Variants in SLC14A2 observed in about 807,000 individuals in gnomAD.
SLC14A2 encodes the protein solute carrier family 14 member 2, also known as urea transporter 2.
Under a neutral mutation model 104.6 loss-of-function variants are expected in SLC14A2, and 91 were observed. The ratio of observed to expected loss-of-function variants is 0.87; its 90% CI spans 0.73 to 1.04. The LOEUF is 1.04. Ranked by LOEUF, SLC14A2 falls within the 50% of genes least tolerant of loss-of-function variation. The pLI is 0.00. For synonymous variants in SLC14A2, 476 were observed against 466.4 expected, an observed-to-expected ratio of 1.02 and a Z score of -0.27; for missense variants, 1,189 against 1,156.0, an observed-to-expected ratio of 1.03 and a Z score of -0.41.
intron 1 of SLC14A2, among the ~76,000 whole-genome samples, chr18:45,283,259 T>C (rs544378878): frequency 6.8e-6 from 1 of 147,844 alleles, no homozygotes; most frequent in Admixed American, 6.8e-5. Context: ...AAGTGGAAGC[T>C]ATTAAAAACT....
At chr18:45,353,072 T>A (rs905700012) in intron 1 of SLC14A2, among the ~76,000 whole-genome samples, 2 of 152,232 alleles carry the variant, frequency 1.3e-5, no homozygotes, top group African/African-American at 4.8e-5. Flanking sequence ...GTGGTTGAAG[T>A]GTGGCTGCTG....
intron 2 of SLC14A2, among the ~76,000 whole-genome samples, chr18:45,489,383 C>A (rs1365927849): frequency 6.6e-6 from 1 of 152,022 alleles, no homozygotes; most frequent in Non-Finnish European, 1.5e-5. Context: ...TGGTGGTGTG[C>A]TCCTGTGGTC....
At chr18:45,290,772 T>C (rs1446286723) in intron 1 of SLC14A2, among the ~76,000 whole-genome samples, 2 of 139,824 alleles carry the variant, frequency 1.4e-5, no homozygotes, top group African/African-American at 5.4e-5. Context: ...TTTCATCTGT[T>C]TATTTTTAGT....
intron 2 of SLC14A2, among the ~76,000 whole-genome samples, chr18:45,491,465 A>T (rs1016970980): frequency 6.6e-6 from 1 of 152,232 alleles, no homozygotes; most frequent in Non-Finnish European, 1.5e-5. Flanking sequence ...GCCTTTTTGG[A>T]AGAAGGAGTA....
intron 2 of SLC14A2, among the ~76,000 whole-genome samples, chr18:45,506,590 T>C (rs1369180002): frequency 1.3e-5 from 2 of 152,136 alleles, no homozygotes; most frequent in African/African-American, 4.8e-5. Flanking sequence ...ACAAAGGGCA[T>C]GTGAAGACAG....
At position 45,667,918 on chromosome 18, in the gene SLC14A2, C is replaced by A; in HGVS notation, c.1803C>A (p.Ile601=). The change falls in exon 14 of 20, where the codon ATC becomes ATA. Residue 601 remains isoleucine, a synonymous_variant. Transcript: ENST00000255226. ...VMFVNNPLSG[I]LIILGLFIQN... The stretch of plus-strand genomic sequence containing the variant: ...TTGTGAACAACCCCCTCAGCGGCAT[C>A]CTCATCATCCTCGGCCTCTTCATCC... 2 of 1,614,122 alleles carry A rather than the reference C, an allele frequency of 1.2e-6. No homozygotes were observed. Among genetic ancestry groups the A allele is most frequent in the Non-Finnish European group, 1.7e-6 (2 of 1,179,984 alleles).
chr18:45,209,069 G>C (rs1354078019), upstream of SLC14A2, among the ~76,000 whole-genome samples: 1 of 150,050 alleles, frequency 6.7e-6, no homozygotes, highest in Non-Finnish European at 1.5e-5. Flanking sequence ...GAGCACGGTG[G>C]CTCACGTCTG....
chr18:45,409,024 A>C (rs2086186045), intron 1 of SLC14A2, among the ~76,000 whole-genome samples: 1 of 152,188 alleles, frequency 6.6e-6, no homozygotes, highest in Non-Finnish European at 1.5e-5. Flanking sequence ...TGGACCGTTC[A>C]CATACCTTTT....
intron 1 of SLC14A2, among the ~76,000 whole-genome samples, chr18:45,314,084 G>T (rs574600125): frequency 6.6e-6 from 1 of 152,330 alleles, no homozygotes; most frequent in Non-Finnish European, 1.5e-5. Context: ...TTGAATATGT[G>T]CCGGAGCACC....
At chr18:45,528,901 C>T (rs1478276114) in intron 2 of SLC14A2, 3 of 152,214 alleles carry the variant, frequency 2.0e-5, no homozygotes, top group Non-Finnish European at 4.4e-5. Flanking sequence ...AAACATGGCA[C>T]TGTGCCAATT....
At chr18:45,433,107 A>G (rs755281725) in intron 1 of SLC14A2, among the ~76,000 whole-genome samples, 1 of 152,008 alleles carries the variant, frequency 6.6e-6, no homozygotes, top group Non-Finnish European at 1.5e-5. Flanking sequence ...TCTGAACTAT[A>G]ACCTTCTCAA....
At chr18:45,402,916 A>G (rs1375928246) in intron 1 of SLC14A2, among the ~76,000 whole-genome samples, 2 of 152,336 alleles carry the variant, frequency 1.3e-5, no homozygotes, top group East Asian at 1.9e-4. Context: ...ACTACTAGGA[A>G]TGTTCTACCT....
chr18:45,233,400 A>G (rs1383858871), intron 1 of SLC14A2, among the ~76,000 whole-genome samples: 2 of 152,132 alleles, frequency 1.3e-5, no homozygotes, highest in Non-Finnish European at 1.5e-5. Flanking sequence ...TGACTCTTTG[A>G]CCCTGATGAA....
intron 1 of SLC14A2, among the ~76,000 whole-genome samples, chr18:45,317,081 C>T (rs536155133): frequency 6.6e-6 from 1 of 152,330 alleles, no homozygotes; most frequent in Non-Finnish European, 1.5e-5. Context: ...CTGTGTACCA[C>T]AGCTTTCTAA....
chr18:45,335,502 T>C (rs1326517515), intron 1 of SLC14A2, among the ~76,000 whole-genome samples: 2 of 152,118 alleles, frequency 1.3e-5, no homozygotes, highest in East Asian at 3.9e-4. Flanking sequence ...GTATCCTGGG[T>C]GTAACCACCA....
intron 1 of SLC14A2, chr18:45,447,534 T>C (rs1267176918): frequency 6.6e-6 from 1 of 152,262 alleles, no homozygotes; most frequent in Non-Finnish European, 1.5e-5. Context: ...TACTGTTTCC[T>C]ATCAGTCGAC....
At chr18:45,554,040 C>CT (rs879544818) in intron 2 of SLC14A2, among the ~76,000 whole-genome samples, 1 of 152,256 alleles carries the variant, frequency 6.6e-6, no homozygotes, top group Non-Finnish European at 1.5e-5. Flanking sequence ...GTATGCTACT[C>CT]TTGAATAATC....
intron 10 of SLC14A2, among the ~76,000 whole-genome samples, chr18:45,654,807 C>T (rs1477036842): frequency 2.0e-5 from 3 of 152,198 alleles, no homozygotes; most frequent in Non-Finnish European, 4.4e-5. Flanking sequence ...GCCCTCAAAT[C>T]CCTCACCACC....
the SLC14A2 span, among the ~76,000 whole-genome samples, chr18:45,206,445 A>G: frequency 6.6e-6 from 1 of 152,104 alleles, no homozygotes; most frequent in Non-Finnish European, 1.5e-5. Context: ...ACACACACAC[A>G]CAGAGATACT....
Sources: gnomAD v4.1 joint callset for allele counts (sites outside exome capture counted in the v4.1 genomes callset) on GRCh38, gnomAD v4.1.1 for gene constraint, MANE v1.5 for transcripts, NCBI Gene and HGNC (gene_info 2026-07-23, HGNC 2026-07-21) for gene names.